Variants in RELN observed in about 807,000 individuals in gnomAD.
RELN encodes reelin.
A neutral mutation model predicts 427.6 loss-of-function variants in RELN; 108 were observed. The ratio of observed to expected loss-of-function variants is 0.25; its 90% CI spans 0.22 to 0.30. The LOEUF (loss-of-function observed/expected upper bound fraction) is 0.30, where lower values mean the gene tolerates loss of function less well. Ranked by LOEUF, RELN falls within the 10% of genes least tolerant of loss-of-function variation. The probability of loss-of-function intolerance (pLI) is 1.00; values close to 1 mark genes in which losing one functional copy is unlikely to be tolerated. For synonymous variants in RELN, 1,524 were observed against 1,513.4 expected, an observed-to-expected ratio of 1.01 and a Z score of -0.16; for missense variants, 3,715 against 4,302.8, an observed-to-expected ratio of 0.86 and a Z score of 3.82.
chr7:103,501,027 T>C, intron 52 of RELN, 105 bp from the exon 53 acceptor site: 2 of 981,322 alleles, frequency 2.0e-6, no homozygotes, highest in Non-Finnish European at 3.2e-6. Flanking sequence ...ACATTTAAGA[T>C]ACTCTTACTA....
chr7:103,835,994 CA>C (rs1793396630), intron 2 of RELN, among the ~76,000 whole-genome samples: 1 of 149,956 alleles, frequency 6.7e-6, no homozygotes, highest in Non-Finnish European at 1.5e-5. Context: ...CTCACTCCGT[CA>C]CCCAGGCTAG....
chr7:103,847,282 T>C (rs991399580), intron 2 of RELN, among the ~76,000 whole-genome samples: 2 of 152,278 alleles, frequency 1.3e-5, no homozygotes, highest in East Asian at 3.9e-4. Context: ...TGGATGAAGC[T>C]GGAAACCATC....
intron 12 of RELN, among the ~76,000 whole-genome samples, chr7:103,657,270 T>C (rs548470334): frequency 1.1e-4 from 17 of 152,176 alleles, no homozygotes; most frequent in Non-Finnish European, 1.5e-5. Context: ...AGTGTTATGA[T>C]AAATACAGCT....
chr7:103,556,698 T>C (rs972985121), intron 38 of RELN, among the ~76,000 whole-genome samples: 3 of 152,214 alleles, frequency 2.0e-5, no homozygotes, highest in East Asian at 3.9e-4. Flanking sequence ...GCTGCTGCCA[T>C]GTAAGACATG....
chr7:103,603,224 C>A lies in RELN; in HGVS notation c.3333+80G>T. 3 of 1,175,624 alleles carry A rather than the reference C, an allele frequency of 2.6e-6. No individual in the cohort carries two copies. In the South Asian group the frequency reaches 3.7e-5, roughly 14 times the overall value. 72.8% of individuals were successfully genotyped at this position (1,175,624 alleles called of 1,614,324 possible). On this transcript the variant is annotated intron_variant, in intron 24 of 64. Coordinates refer to ENST00000428762, the MANE Select transcript of RELN (RefSeq NM_005045.4). The surrounding 1 kb of genome is among the most constrained non-coding windows in gnomAD (Gnocchi z 4.3). ...AACGTGGGGAACAATAGAACCACTT[C>A]ATATTTGTACATTTGGAATTCAGAG...
chr7:103,951,798 A>G (rs549469842), intron 1 of RELN, among the ~76,000 whole-genome samples: 2 of 152,064 alleles, frequency 1.3e-5, no homozygotes, highest in East Asian at 3.9e-4. Flanking sequence ...TCAGCCTCCC[A>G]AGTAGTTGGG....
chr7:103,545,207 T>C lies in RELN; in HGVS notation c.6440A>G (p.Lys2147Arg). Residue 2147 changes from lysine to arginine, a missense_variant, in exon 42 of 65, where the codon AAA (lysine) becomes AGA (arginine). Coordinates refer to ENST00000428762, the MANE Select transcript of RELN (RefSeq NM_005045.4). ...NGQGSCINGT[K>R]CICDPGYSGP... ...TGAGTAGCCAGGGTCACATATACATTTGGTTCCATTGATACAGCTCCCCTG... is the reference window on the plus strand; with the variant it reads ...TGAGTAGCCAGGGTCACATATACATCTGGTTCCATTGATACAGCTCCCCTG... 1 of 1,614,156 alleles carries C rather than the reference T, an allele frequency of 6.2e-7. No homozygotes were observed. The highest frequency in any genetic ancestry group is 1.1e-5 in the South Asian group (1 of 91,084).
At chr7:103,629,036 G>A (rs1479142852) in intron 20 of RELN, among the ~76,000 whole-genome samples, 2 of 152,152 alleles carry the variant, frequency 1.3e-5, no homozygotes, top group African/African-American at 4.8e-5. Flanking sequence ...GGGGAACTGT[G>A]TGCACTGCAG....
chr7:103,593,916 A>G, intron 26 of RELN, 34 bp from the exon 27 acceptor site: 1 of 1,501,038 alleles, frequency 6.7e-7, no homozygotes, highest in Non-Finnish European at 9.3e-7. Context: ...ACAAAAGGCA[A>G]TTTGATAGCT....
Position 103,498,244 on chromosome 7 carries a change from C to T in RELN, c.8676G>A (p.Leu2892=). Residue 2892 remains leucine (L), a synonymous_variant, in exon 54 of 65, where the codon CTG becomes CTA. Coordinates refer to ENST00000428762, the MANE Select transcript of RELN (RefSeq NM_005045.4). ...TTTCTTCACTGTCAAAGCGTTCCTT[C>T]AGGAAAGTCTGGAAATAAAATAAGC... ...CYLTHTLKTF[L]KERFDSEEIK... 1 of 1,613,676 alleles carries T rather than the reference C, an allele frequency of 6.2e-7. No homozygotes were observed. Among genetic ancestry groups the T allele is most frequent in the Non-Finnish European group, 8.5e-7 (1 of 1,179,856 alleles).
At chr7:103,496,303 C>T (rs1217366349) in intron 56 of RELN, among the ~76,000 whole-genome samples, 1 of 152,146 alleles carries the variant, frequency 6.6e-6, no homozygotes, top group African/African-American at 2.4e-5. Context: ...TAAAGCCAGA[C>T]ATTGAGCCTT....
At position 103,635,143 on chromosome 7, in the gene RELN, G is replaced by A. The variant is rs34568163; in HGVS notation, c.2465+282C>T. On this transcript the variant is annotated intron_variant, in intron 19 of 64. Coordinates refer to ENST00000428762, the MANE Select transcript of RELN (RefSeq NM_005045.4). ...CAAACTGCTGGGATTACAGGCATGA[G>A]CCACTGCGCCCAGCCTACTTTTCTC... 0.18 allele frequency among the ~76,000 whole-genome samples: 27,759 copies of A among 152,012 alleles called. 3,155 individuals are homozygous for A. The highest frequency in any genetic ancestry group is 0.32 in the African/African-American group (13,330 of 41,418).
chr7:103,913,325 A>G (rs1795410468), intron 2 of RELN, among the ~76,000 whole-genome samples: 1 of 152,190 alleles, frequency 6.6e-6, no homozygotes, highest in South Asian at 2.1e-4. Flanking sequence ...AGAAGTACCT[A>G]TTTAGACTTA....
intron 33 of RELN, 146 bp from the exon 34 acceptor site, chr7:103,565,697 A>C: frequency 1.3e-6 from 1 of 741,794 alleles, no homozygotes; most frequent in Non-Finnish European, 2.2e-6. Flanking sequence ...TTCTTCTTAT[A>C]TTTTCTGCTT....
chr7:103,599,604 T>A, intron 24 of RELN, among the ~76,000 whole-genome samples: 1 of 152,064 alleles, frequency 6.6e-6, no homozygotes, highest in East Asian at 1.9e-4. Context: ...TATGTAAAAA[T>A]CAGAGAGGAA....
At chr7:103,945,664 C>T (rs1341582557) in intron 1 of RELN, among the ~76,000 whole-genome samples, 1 of 152,170 alleles carries the variant, frequency 6.6e-6, no homozygotes, top group Non-Finnish European at 1.5e-5. Flanking sequence ...TTAGCACTTA[C>T]CATACTGTAA....
chr7:103,874,804 TG>T (rs904926955), intron 2 of RELN, among the ~76,000 whole-genome samples: 1 of 150,022 alleles, frequency 6.7e-6, no homozygotes, highest in African/African-American at 2.4e-5. Flanking sequence ...ACAGATTCAA[TG>T]CCATCCCCAT....
chr7:103,586,329 C>CTG (rs1161798865), intron 28 of RELN, among the ~76,000 whole-genome samples: 6 of 152,002 alleles, frequency 3.9e-5, no homozygotes, highest in Non-Finnish European at 8.8e-5. Flanking sequence ...CGCCATTGCA[C>CTG]TCCAGCCTGG....
chr7:103,845,183 C>T (rs1793645034), intron 2 of RELN, among the ~76,000 whole-genome samples: 2 of 151,144 alleles, frequency 1.3e-5, no homozygotes, highest in Non-Finnish European at 2.9e-5. Context: ...TTCCCATGGT[C>T]TTCACTCTCA....
Sources: allele counts gnomAD v4.1 joint callset (sites outside exome capture counted in the v4.1 genomes callset), GRCh38; gene constraint gnomAD v4.1.1; non-coding constraint Gnocchi (gnomAD v3.1); transcripts MANE v1.5; gene names NCBI Gene and HGNC (gene_info 2026-07-23, HGNC 2026-07-21).